UBE2V2: variants seen among roughly 807,000 people sequenced by gnomAD.
UBE2V2 encodes ubiquitin-conjugating enzyme E2 variant 2.
A neutral mutation model predicts 17.2 loss-of-function variants in UBE2V2; 9 were observed. The observed-to-expected ratio is 0.52, with a 90% confidence interval of 0.32 to 0.91. The LOEUF is 0.91. UBE2V2 is among the 40% of genes least tolerant of loss of function. The probability of loss-of-function intolerance (pLI) is 0.04; values close to 1 mark genes in which losing one functional copy is unlikely to be tolerated. For synonymous variants in UBE2V2, 61 were observed against 57.5 expected, an observed-to-expected ratio of 1.06 and a Z score of -0.28; for missense variants, 133 against 182.6, an observed-to-expected ratio of 0.73 and a Z score of 1.56.
At chr8:48,056,814 C>T (rs1409147237) in intron 3 of UBE2V2, among the ~76,000 whole-genome samples, 1 of 152,200 alleles carries the variant, frequency 6.6e-6, no homozygotes, top group African/African-American at 2.4e-5. Context: ...ACCTCCACCT[C>T]CTGGACTCAA....
intron 1 of UBE2V2, among the ~76,000 whole-genome samples, chr8:48,023,980 T>A (rs1038781258): frequency 6.6e-6 from 1 of 152,192 alleles, no homozygotes; most frequent in African/African-American, 2.4e-5. Context: ...GTTTGACATA[T>A]GTAAGATGGG....
the UBE2V2 span, among the ~76,000 whole-genome samples, chr8:48,001,594 G>C: frequency 1.2e-4 from 18 of 152,052 alleles, no homozygotes; most frequent in African/African-American, 4.3e-4. Flanking sequence ...GTAAGACCCT[G>C]TCTCAAAAAC....
chr8:48,001,175 T>C, the UBE2V2 span, among the ~76,000 whole-genome samples: 2 of 152,196 alleles, frequency 1.3e-5, no homozygotes, highest in Admixed American at 6.5e-5. Context: ...ACAGCCCTTA[T>C]GCCTCAGAGC....
chr8:48,016,470 A>T (rs1217887692), intron 1 of UBE2V2, among the ~76,000 whole-genome samples: 1 of 150,632 alleles, frequency 6.6e-6, no homozygotes, highest in Non-Finnish European at 1.5e-5. Context: ...ATACTCACCA[A>T]CACTTGTTAT....
chr8:48,036,456 C>T (rs1391797781), intron 1 of UBE2V2, among the ~76,000 whole-genome samples: 3 of 151,308 alleles, frequency 2.0e-5, no homozygotes, highest in Non-Finnish European at 4.4e-5. Flanking sequence ...TTTTTTGAGA[C>T]AGAGTCTCAC....
At chr8:48,052,999 T>C (rs1295831145) in intron 3 of UBE2V2, among the ~76,000 whole-genome samples, 1 of 152,040 alleles carries the variant, frequency 6.6e-6, no homozygotes, top group Non-Finnish European at 1.5e-5. Flanking sequence ...CTCCATCTCC[T>C]GGGTTTAAGT....
At chr8:48,022,513 T>G (rs1315431683) in intron 1 of UBE2V2, among the ~76,000 whole-genome samples, 21 of 152,212 alleles carry the variant, frequency 1.4e-4, no homozygotes, top group Admixed American at 1.4e-3. Context: ...ACCTTCCTAC[T>G]AAAGATACAA....
intron 1 of UBE2V2, among the ~76,000 whole-genome samples, chr8:48,037,499 T>C (rs1314674152): frequency 3.3e-5 from 5 of 152,226 alleles, no homozygotes; most frequent in African/African-American, 1.2e-4. Flanking sequence ...ATGCAAAGTA[T>C]AAAAAGAAAG....
At chr8:48,006,879 A>T (rs1368832411), upstream of UBE2V2, among the ~76,000 whole-genome samples, 1 of 151,052 alleles carries the variant, frequency 6.6e-6, no homozygotes, top group African/African-American at 2.4e-5. Flanking sequence ...TTTATTTTTT[A>T]TTTTTTTTTA....
At chr8:48,007,763 T>C (rs2091194675), upstream of UBE2V2, among the ~76,000 whole-genome samples, 1 of 149,454 alleles carries the variant, frequency 6.7e-6, no homozygotes, top group South Asian at 2.1e-4. Context: ...TGAAATGGAG[T>C]CTCCCTCTGT....
chr8:48,000,992 C>T, the UBE2V2 span, among the ~76,000 whole-genome samples: 1 of 151,996 alleles, frequency 6.6e-6, no homozygotes, highest in African/African-American at 2.4e-5. Context: ...AAGGATGGCC[C>T]CTCTCAGTGT....
intron 1 of UBE2V2, chr8:48,042,033 T>TGGGAA (rs2091467553): frequency 6.6e-6 from 1 of 152,252 alleles, no homozygotes; most frequent in African/African-American, 2.4e-5. Context: ...TCTCAGGTGA[T>TGGGAA]CTGCCTGCCT....
At chr8:48,048,637 T>C (rs771845847) in intron 2 of UBE2V2, among the ~76,000 whole-genome samples, 4 of 152,188 alleles carry the variant, frequency 2.6e-5, no homozygotes, top group African/African-American at 7.2e-5. Context: ...ATAGCTCTTT[T>C]TTTCTTAAAG....
chr8:48,046,676 A>G (rs1373531354), intron 2 of UBE2V2, among the ~76,000 whole-genome samples: 1 of 152,070 alleles, frequency 6.6e-6, no homozygotes, highest in Admixed American at 6.6e-5. Flanking sequence ...CACACCTCAC[A>G]GCCTGGACCC....
chr8:48,024,713 T>C (rs1403154981), intron 1 of UBE2V2, among the ~76,000 whole-genome samples: 1 of 152,128 alleles, frequency 6.6e-6, no homozygotes, highest in East Asian at 1.9e-4. Context: ...ATAAATGCTG[T>C]TAAGGATCAA....
intron 1 of UBE2V2, among the ~76,000 whole-genome samples, chr8:48,017,019 G>C (rs1219574965): frequency 6.7e-6 from 1 of 149,216 alleles, no homozygotes; most frequent in African/African-American, 2.5e-5. Context: ...TCAAACGCCC[G>C]ACCTCAGGTG....
chr8:48,007,004 C>T (rs2091187693), upstream of UBE2V2, among the ~76,000 whole-genome samples: 1 of 151,950 alleles, frequency 6.6e-6, no homozygotes, highest in Admixed American at 6.6e-5. Flanking sequence ...CCTCAGCCTC[C>T]CGAGTAGCTG....
chr8:48,038,490 T>C (rs2091439609), intron 1 of UBE2V2, among the ~76,000 whole-genome samples: 1 of 151,590 alleles, frequency 6.6e-6, no homozygotes, highest in Non-Finnish European at 1.5e-5. Flanking sequence ...TAATTTTTTT[T>C]TTTTTTGAGA....
At chr8:48,020,233 C>CT (rs770344749) in intron 1 of UBE2V2, among the ~76,000 whole-genome samples, 2 of 152,052 alleles carry the variant, frequency 1.3e-5, no homozygotes, top group African/African-American at 2.4e-5. Flanking sequence ...GATGGGGTCT[C>CT]AACATGTTGC....
Sources: gnomAD v4.1 joint callset for allele counts (sites outside exome capture counted in the v4.1 genomes callset) on GRCh38, gnomAD v4.1.1 for gene constraint, MANE v1.5 for transcripts, NCBI Gene and HGNC (gene_info 2026-07-23, HGNC 2026-07-21) for gene names.